CDKN2A: variants seen among roughly 807,000 people sequenced by gnomAD.
CDKN2A encodes the protein cyclin-dependent kinase inhibitor 2A.
Under a neutral mutation model 11.1 loss-of-function variants are expected in CDKN2A, and 3 were observed. The observed-to-expected ratio is 0.27, with a 90% CI of 0.12 to 0.70. The LOEUF (loss-of-function observed/expected upper bound fraction) is 0.70. Ranked by LOEUF, CDKN2A falls within the 30% of genes least tolerant of loss-of-function variation. The pLI is 0.77. For missense variants in CDKN2A, 265 were observed against 233.6 expected (o/e 1.13, Z -0.88); for synonymous variants, 122 against 108.1 (o/e 1.13, Z -0.80).
upstream of CDKN2A, among the ~76,000 whole-genome samples, chr9:21,977,996 C>G (rs144422090): frequency 8.5e-4 from 129 of 151,664 alleles, no homozygotes; most frequent in African/African-American, 3.0e-3. Context: ...TTGGAAATAC[C>G]AAGAACAAGT....
At chr9:21,986,109 A>T (rs1432052913) in intron 2 of CDKN2A, among the ~76,000 whole-genome samples, 1 of 152,068 alleles carries the variant, frequency 6.6e-6, no homozygotes, top group Admixed American at 6.5e-5. Context: ...ACATGAAAGC[A>T]CTGAGAGTTT....
intron 2 of CDKN2A, among the ~76,000 whole-genome samples, chr9:21,986,848 T>A (rs3731211): frequency 0.74 from 112,371 of 151,900 alleles, 41,619 homozygotes; most frequent in South Asian, 0.84. Flanking sequence ...GTGTCCGATG[T>A]TGGACATTTA....
chr9:21,970,804 G>C, intron 2 of CDKN2A, 98 bp downstream of exon 2: 3 of 1,458,706 alleles, frequency 2.1e-6, no homozygotes, highest in Admixed American at 1.8e-5. Flanking sequence ...GGCAAGACCG[G>C]AGACTGGTCT....
intron 1 of CDKN2A, among the ~76,000 whole-genome samples, chr9:21,971,866 T>C (rs1819782241): frequency 6.6e-6 from 1 of 152,154 alleles, no homozygotes. Context: ...ATCTCAAATA[T>C]TTGACATTTT....
At chr9:21,980,031 C>G (rs1012681967) in intron 2 of CDKN2A, among the ~76,000 whole-genome samples, 2 of 152,106 alleles carry the variant, frequency 1.3e-5, no homozygotes, top group Non-Finnish European at 2.9e-5. Flanking sequence ...TGGCAATATG[C>G]ACGTATTTCA....
At chr9:21,976,149 C>A (rs1165424909), upstream of CDKN2A, among the ~76,000 whole-genome samples, 1 of 152,032 alleles carries the variant, frequency 6.6e-6, no homozygotes, top group Non-Finnish European at 1.5e-5. Flanking sequence ...GAAGCCGAGG[C>A]GGGCAGATCA....
At chr9:21,973,440 T>C (rs1819872783) in intron 1 of CDKN2A, among the ~76,000 whole-genome samples, 1 of 152,238 alleles carries the variant, frequency 6.6e-6, no homozygotes, top group Non-Finnish European at 1.5e-5. Context: ...TTAAAAATTG[T>C]CAAAACTATC....
upstream of CDKN2A, among the ~76,000 whole-genome samples, chr9:21,975,519 C>G (rs1351616184): frequency 1.3e-5 from 2 of 152,012 alleles, no homozygotes; most frequent in African/African-American, 4.8e-5. Flanking sequence ...AAGTCAGAAA[C>G]CCTAGTTCAA....
At chr9:21,972,033 A>T (rs893171483) in intron 1 of CDKN2A, among the ~76,000 whole-genome samples, 1 of 148,452 alleles carries the variant, frequency 6.7e-6, no homozygotes, top group African/African-American at 2.5e-5. Context: ...CAGCTCTAGT[A>T]ACCACCATTC....
At chr9:21,987,696 T>C (rs1298041565) in intron 2 of CDKN2A, among the ~76,000 whole-genome samples, 1 of 152,132 alleles carries the variant, frequency 6.6e-6, no homozygotes, top group Non-Finnish European at 1.5e-5. Context: ...CTTCATTTGG[T>C]GAAATAACTC....
chr9:21,975,210 C>T (rs187694668), upstream of CDKN2A: 476 of 1,071,580 alleles, frequency 4.4e-4, 3 homozygotes, highest in African/African-American at 7.5e-3. Flanking sequence ...GGCCTCCCTG[C>T]TCCCAGCCGC....
At chr9:21,990,563 T>G (rs143489243) in intron 2 of CDKN2A, among the ~76,000 whole-genome samples, 1 of 141,974 alleles carries the variant, frequency 7.0e-6, no homozygotes, top group African/African-American at 2.6e-5. Flanking sequence ...ATCACCAAAC[T>G]TTTTCCCAAC....
chr9:21,985,538 A>G (rs1168478215), intron 2 of CDKN2A, among the ~76,000 whole-genome samples: 1 of 152,022 alleles, frequency 6.6e-6, no homozygotes, highest in African/African-American at 2.4e-5. Flanking sequence ...TGTGACAACC[A>G]TTCTGAAGGA....
At chr9:21,972,020 C>T (rs1376927467) in intron 1 of CDKN2A, among the ~76,000 whole-genome samples, 1 of 151,736 alleles carries the variant, frequency 6.6e-6, no homozygotes, top group Non-Finnish European at 1.5e-5. Context: ...TCCTCCCACC[C>T]CCCAGCTCTA....
chr9:21,985,376 C>T (rs1820276754), intron 2 of CDKN2A, among the ~76,000 whole-genome samples: 3 of 151,942 alleles, frequency 2.0e-5, no homozygotes, highest in Admixed American at 6.5e-5. Context: ...AGGTCACCCT[C>T]CAAGGTAGGC....
At chr9:21,979,277 A>C (rs1820117309), upstream of CDKN2A, among the ~76,000 whole-genome samples, 1 of 152,158 alleles carries the variant, frequency 6.6e-6, no homozygotes, top group African/African-American at 2.4e-5. Context: ...AAACTAGGAT[A>C]ATGGGATGGC....
Position 21,974,491 on chromosome 9 carries a change from T to A in CDKN2A, c.150+187A>T. On this transcript the variant is annotated intron_variant, in intron 1 of 2. Transcript: ENST00000304494. The surrounding 1 kb of genome is among the most constrained non-coding windows in gnomAD (Gnocchi z 5.2). ...CGCGTGGCTCCTCATTCCTCTTCCT[T>A]GGCTTCCCAAGCCCCCAGGGCGTCG... is the stretch of plus-strand genomic sequence containing the variant. 2 of 1,612,992 alleles carry A rather than the reference T, an allele frequency of 1.2e-6. No individual in the cohort carries two copies. Among genetic ancestry groups the A allele is most frequent in the Non-Finnish European group, 1.7e-6 (2 of 1,179,812 alleles).
At chr9:21,972,067 AT>A (rs958351111) in intron 1 of CDKN2A, among the ~76,000 whole-genome samples, 10 of 150,660 alleles carry the variant, frequency 6.6e-5, no homozygotes, top group African/African-American at 2.2e-4. Context: ...TAAGAATGTA[AT>A]TGTTTTATAT....
rs780803896 is a variant in CDKN2A at position 21,994,255 on chromosome 9, T to C, written c.-175-202A>G. Reference sequence around the variant, plus strand: ...CCACTCCCCCGTGAGCCGCGGGATGTGAACCACGAAAACCCTCACTCGCGG... The same window carrying C: ...CCACTCCCCCGTGAGCCGCGGGATGCGAACCACGAAAACCCTCACTCGCGG... On this transcript the variant is annotated intron_variant, in intron 1 of 3. Coordinates refer to the CDKN2A transcript ENST00000494262. 6.8e-6 allele frequency: 11 copies of C among 1,606,532 alleles called. 1 individual carries two copies. In the South Asian group the frequency reaches 9.9e-5, roughly 14 times the overall value.
Sources: gnomAD v4.1 joint callset for allele counts (sites outside exome capture counted in the v4.1 genomes callset) on GRCh38, gnomAD v4.1.1 for gene constraint, Gnocchi (gnomAD v3.1) non-coding constraint, MANE v1.5 for transcripts, NCBI Gene and HGNC (gene_info 2026-07-23, HGNC 2026-07-21) for gene names.